The following ABI2 variants were observed in gnomAD, a reference collection of about 807,000 sequenced individuals.
ABI2 encodes the protein abl interactor 2.
Under a neutral mutation model 59.2 loss-of-function variants are expected in ABI2, and 25 were observed. The observed-to-expected ratio is 0.42, with a 90% confidence interval of 0.31 to 0.59. ABI2 has a LOEUF of 0.59. Among genes scored for constraint, ABI2 ranks in the 20% least tolerant of loss-of-function variants. The pLI, the probability that ABI2 is intolerant of heterozygous loss-of-function variation, is 0.14. For missense variants in ABI2, 545 were observed against 681.8 expected (o/e 0.80, Z 2.23); for synonymous variants, 213 against 235.5 (o/e 0.90, Z 0.87).
At chr2:203,383,000 A>G (rs2096237310) in intron 4 of ABI2, among the ~76,000 whole-genome samples, 1 of 152,220 alleles carries the variant, frequency 6.6e-6, no homozygotes, top group African/African-American at 2.4e-5. Flanking sequence ...AAATTCAACT[A>G]TATTCAAGAA....
intron 4 of ABI2, among the ~76,000 whole-genome samples, chr2:203,389,995 C>T (rs1487047948): frequency 6.6e-6 from 1 of 152,182 alleles, no homozygotes; most frequent in South Asian, 2.1e-4. Context: ...CCTGAATTCA[C>T]CTTCAGTTTG....
intron 1 of ABI2, among the ~76,000 whole-genome samples, chr2:203,342,592 A>ATTTATTTT (rs1343378867): frequency 2.0e-5 from 3 of 150,312 alleles, no homozygotes; most frequent in Admixed American, 6.6e-5. Context: ...TTATTTATTT[A>ATTTATTTT]TTTTTGAGAC....
chr2:203,416,586 G>A (rs1027843320), intron 10 of ABI2, among the ~76,000 whole-genome samples: 3 of 152,134 alleles, frequency 2.0e-5, no homozygotes, highest in Admixed American at 2.0e-4. Flanking sequence ...GCGAGCCACC[G>A]CTCCTGGCCA....
At chr2:203,394,223 T>G (rs898206684) in intron 5 of ABI2, 1 of 152,914 alleles carries the variant, frequency 6.5e-6, no homozygotes, top group Non-Finnish European at 1.5e-5. Context: ...TGAGTTGTTA[T>G]GGCTAGTATT....
chr2:203,409,644 C>T (rs1377309340), intron 9 of ABI2, among the ~76,000 whole-genome samples: 1 of 152,192 alleles, frequency 6.6e-6, no homozygotes, highest in Non-Finnish European at 1.5e-5. Context: ...GCCAACTACT[C>T]TCTTCCCACA....
intron 1 of ABI2, among the ~76,000 whole-genome samples, chr2:203,339,970 T>C (rs915285635): frequency 2.0e-5 from 3 of 152,202 alleles, no homozygotes; most frequent in Admixed American, 2.0e-4. Context: ...TGTATTTGTT[T>C]GAAAATAATC....
intron 8 of ABI2, among the ~76,000 whole-genome samples, chr2:203,400,289 G>T (rs553772916): frequency 4.6e-5 from 7 of 151,488 alleles, no homozygotes; most frequent in Non-Finnish European, 1.0e-4. Flanking sequence ...AAGTTTCACC[G>T]TGTTGGTCAG....
chr2:203,367,014 G>A lies in ABI2; in HGVS notation c.255G>A (p.Arg85=). The A allele has an allele frequency of 6.2e-7, 1 of 1,613,658 alleles. No individual in the cohort carries two copies. The highest frequency in any genetic ancestry group is 8.5e-7 in the Non-Finnish European group (1 of 1,179,786). ...MLDIQASQLR[R]MESSINHISQ... ...ATATCCAGGCATCCCAGCTACGAAG[G>A]ATGGAATCTTCAATCAATCATATTT... Residue 85 remains arginine (R), a synonymous_variant, in exon 2 of 12, where the codon AGG becomes AGA. Coordinates refer to ENST00000261018, the MANE Select transcript of ABI2 (RefSeq NM_001375670.1).
At chr2:203,376,860 A>G (rs1018664162) in intron 2 of ABI2, among the ~76,000 whole-genome samples, 4 of 151,682 alleles carry the variant, frequency 2.6e-5, no homozygotes, top group East Asian at 1.9e-4. Flanking sequence ...TCACATCTCT[A>G]TAAGATCAAA....
At chr2:203,392,308 CCACCACCAACAACAACAACAACAA>C (rs1175701859) in intron 5 of ABI2, among the ~76,000 whole-genome samples, 13 of 106,536 alleles carry the variant, frequency 1.2e-4, no homozygotes, top group African/African-American at 3.8e-4. Context: ...ACCACCACCA[CCACCACCAACAACAACAACAACAA>C]CAACAACAAC....
chr2:203,385,152 T>TTTTTTTTTTTTTTTTTTTTTG (rs71007511), intron 4 of ABI2, among the ~76,000 whole-genome samples: 3 of 51,838 alleles, frequency 5.8e-5, no homozygotes, highest in Non-Finnish European at 1.7e-4. Flanking sequence ...TTTTTTTTTT[T>TTTTTTTTTTTTTTTTTTTTTG]GAGACAGTCT....
intron 1 of ABI2, among the ~76,000 whole-genome samples, chr2:203,338,430 G>A (rs7571768): frequency 7.7e-4 from 117 of 152,040 alleles, no homozygotes; most frequent in African/African-American, 2.4e-3. Flanking sequence ...GAATGATGTA[G>A]CACCATCCCT....
At position 203,431,399 on chromosome 2, in the gene ABI2, C is replaced by T. The variant is rs1437661850; in HGVS notation, c.*4047C>T. The T allele has an allele frequency of 1.3e-5, 2 of 152,612 alleles. No homozygotes were observed. The highest frequency in any genetic ancestry group is 2.9e-5 in the Non-Finnish European group (2 of 68,028). The allele number at this position is 152,612 out of a possible 1,614,324, so 9.5% of individuals were successfully genotyped here. A position where few individuals can be genotyped will look rare whatever the true frequency, so the allele number is the denominator to read the frequency against. The stretch of plus-strand genomic sequence containing the variant: ...GTTTTCAGGAATATACGTGAAAAGA[C>T]ATGCCATGTTTTGGTAAATACCATC... On this transcript the variant is annotated 3_prime_UTR_variant, in exon 12 of 12. Coordinates refer to ENST00000261018, the MANE Select transcript of ABI2 (RefSeq NM_001375670.1).
At chr2:203,360,967 A>G (rs2093413559) in intron 1 of ABI2, among the ~76,000 whole-genome samples, 1 of 152,236 alleles carries the variant, frequency 6.6e-6, no homozygotes, top group African/African-American at 2.4e-5. Context: ...TGCTCTGTTT[A>G]TTCAAGAGTA....
chr2:203,392,025 T>C (rs968422473), intron 5 of ABI2, among the ~76,000 whole-genome samples: 2 of 152,118 alleles, frequency 1.3e-5, no homozygotes, highest in African/African-American at 4.8e-5. Flanking sequence ...GTGATTAAAA[T>C]TCTGTTTCAG....
chr2:203,350,157 A>C (rs1419059242), intron 1 of ABI2, among the ~76,000 whole-genome samples: 2 of 152,032 alleles, frequency 1.3e-5, no homozygotes, highest in Non-Finnish European at 2.9e-5. Context: ...GCTCACTGTA[A>C]CCTCTGTCTC....
intron 1 of ABI2, among the ~76,000 whole-genome samples, chr2:203,352,741 A>G (rs554884223): frequency 6.6e-6 from 1 of 152,206 alleles, no homozygotes; most frequent in African/African-American, 2.4e-5. Context: ...GCATAAATCT[A>G]CAGTGTTTTT....
At chr2:203,358,071 T>TTGTGTGTGTG (rs71007506) in intron 1 of ABI2, among the ~76,000 whole-genome samples, 3,035 of 128,682 alleles carry the variant, frequency 0.024, 34 homozygotes, top group African/African-American at 0.034. Context: ...CCTGGCCTGT[T>TTGTGTGTGTG]TGTGTGTGTG....
chr2:203,397,616 T>TA (rs1236316898), intron 8 of ABI2, among the ~76,000 whole-genome samples: 1 of 152,228 alleles, frequency 6.6e-6, no homozygotes, highest in Non-Finnish European at 1.5e-5. Context: ...TGTTTGGACA[T>TA]ATATCACTGT....
Sources: gnomAD v4.1 joint callset for allele counts (sites outside exome capture counted in the v4.1 genomes callset) on GRCh38, gnomAD v4.1.1 for gene constraint, MANE v1.5 for transcripts, NCBI Gene and HGNC (gene_info 2026-07-23, HGNC 2026-07-21) for gene names.